The following DPYSL5 variants were observed in gnomAD, a reference collection of about 807,000 sequenced individuals.
The protein encoded by DPYSL5 is dihydropyrimidinase like 5, also known as dihydropyrimidinase-related protein 5.
Under a neutral mutation model 58.4 loss-of-function variants are expected in DPYSL5, and 9 were observed. The ratio of observed to expected loss-of-function variants is 0.15; its 90% CI spans 0.09 to 0.27. The LOEUF (loss-of-function observed/expected upper bound fraction) is 0.27, where lower values mean the gene tolerates loss of function less well. DPYSL5 is among the 10% of genes least tolerant of loss of function. DPYSL5 has a pLI of 1.00. For synonymous variants in DPYSL5, 293 were observed against 301.9 expected (o/e 0.97, Z 0.31); for missense variants, 499 against 770.6 (o/e 0.65, Z 4.17).
At chr2:26,931,169 ATGTG>A (rs1324624030) in intron 5 of DPYSL5, among the ~76,000 whole-genome samples, 12 of 45,694 alleles carry the variant, frequency 2.6e-4, no homozygotes, top group African/African-American at 7.0e-4. Context: ...ATATATATAT[ATGTG>A]TGTGTGTGTG....
chr2:26,894,946 C>T (rs560315017), intron 1 of DPYSL5, among the ~76,000 whole-genome samples: 25 of 152,204 alleles, frequency 1.6e-4, no homozygotes, highest in Non-Finnish European at 3.2e-4. Context: ...TATGTGGTTA[C>T]TTGATGCATA....
Position 26,849,104 on chromosome 2 carries a change from A to T in DPYSL5, c.-5+850A>T, listed in dbSNP as rs994854207. Among the ~76,000 whole-genome samples, 1 of 130,452 alleles carries T rather than the reference A, an allele frequency of 7.7e-6. No homozygotes were observed. Among genetic ancestry groups the T allele is most frequent in the African/African-American group, 2.9e-5 (1 of 34,260 alleles). 85.6% of individuals were successfully genotyped at this position (130,452 alleles called of 152,430 possible). On this transcript the variant is annotated intron_variant, in intron 1 of 12. Coordinates refer to ENST00000288699, the MANE Select transcript of DPYSL5 (RefSeq NM_020134.4). This position sits in a 1 kb window ranked among gnomAD's most constrained non-coding sequence, Gnocchi z 6.2. ...TTAGGACAGGTAGTGGGTCTCGGGG[A>T]GCAGGGAGTGGGAACTAGGGTTTGA...
intron 2 of DPYSL5, among the ~76,000 whole-genome samples, chr2:26,919,793 C>A (rs913048800): frequency 1.3e-5 from 2 of 152,144 alleles, no homozygotes; most frequent in African/African-American, 4.8e-5. Flanking sequence ...CAGTGTCCAC[C>A]TAGAATGAGG....
At position 26,944,565 on chromosome 2, in the gene DPYSL5, T is replaced by C. The variant is rs1167527121; in HGVS notation, c.1441-91T>C. 1 of 1,442,262 alleles carries C rather than the reference T, an allele frequency of 6.9e-7. No individual in the cohort carries two copies. Among genetic ancestry groups the C allele is most frequent in the African/African-American group, 1.4e-5 (1 of 70,834 alleles). 89.3% of individuals were successfully genotyped at this position (1,442,262 alleles called of 1,614,324 possible). Reference sequence around the variant, plus strand: ...TCTTGGGCAGAGTGGCAGTGTCTAATGTCCCACCGGCCCCCAGGGAGGCCA... The same window carrying C: ...TCTTGGGCAGAGTGGCAGTGTCTAACGTCCCACCGGCCCCCAGGGAGGCCA... On this transcript the variant is annotated intron_variant, in intron 11 of 12. Transcript: ENST00000288699. The surrounding 1 kb of genome is among the most constrained non-coding windows in gnomAD (Gnocchi z 4.4).
chr2:26,897,828 G>A (rs1243589408), intron 1 of DPYSL5, among the ~76,000 whole-genome samples: 3 of 152,184 alleles, frequency 2.0e-5, no homozygotes, highest in Non-Finnish European at 4.4e-5. Flanking sequence ...TGGGGGTGGG[G>A]CTTGGGCATA....
At chr2:26,880,804 T>C (rs1245055381) in intron 1 of DPYSL5, among the ~76,000 whole-genome samples, 1 of 152,202 alleles carries the variant, frequency 6.6e-6, no homozygotes, top group Non-Finnish European at 1.5e-5. Context: ...CTCACCGCCA[T>C]CTCCGTGGTT....
At chr2:26,851,249 C>A (rs1665743015) in intron 1 of DPYSL5, among the ~76,000 whole-genome samples, 1 of 152,196 alleles carries the variant, frequency 6.6e-6, no homozygotes, top group South Asian at 2.1e-4. Flanking sequence ...AGGATGTAAT[C>A]TTCTTAAAGC....
intron 4 of DPYSL5, 61 bp from the exon 5 acceptor site, chr2:26,928,194 G>C (rs374704288): frequency 8.3e-6 from 13 of 1,562,514 alleles, no homozygotes; most frequent in Non-Finnish European, 1.1e-5. Context: ...CTTGGGTTCA[G>C]TATTTTCTTA....
chr2:26,908,782 A>T (rs751147555), intron 2 of DPYSL5, among the ~76,000 whole-genome samples: 4 of 152,238 alleles, frequency 2.6e-5, no homozygotes, highest in Non-Finnish European at 5.9e-5. Flanking sequence ...CATCCACTGG[A>T]ATTTATAAAA....
In DPYSL5 at chr2:26,934,001, G is replaced by C. The variant is rs1421395572; in HGVS notation, c.791-577G>C. The stretch of plus-strand genomic sequence containing the variant: ...AATCGATCAGAAGCAAGGGCATCCT[G>C]GCCTTCAACTCTATCGCCCTCTAGA... On this transcript the variant is annotated intron_variant, in intron 7 of 12. Coordinates refer to ENST00000288699, the MANE Select transcript of DPYSL5 (RefSeq NM_020134.4). The surrounding 1 kb of genome is among the most constrained non-coding windows in gnomAD (Gnocchi z 4.3). 6.6e-6 allele frequency among the ~76,000 whole-genome samples: 1 copy of C among 152,056 alleles called. No individual in the cohort carries two copies. The highest frequency in any genetic ancestry group is 1.9e-4 in the East Asian group (1 of 5,188).
At chr2:26,945,408 G>A (rs1025770942) in intron 12 of DPYSL5, among the ~76,000 whole-genome samples, 2 of 147,310 alleles carry the variant, frequency 1.4e-5, no homozygotes, top group African/African-American at 2.5e-5. Context: ...TTATCTTTCT[G>A]TCCTTTGGGT....
intron 2 of DPYSL5, among the ~76,000 whole-genome samples, chr2:26,904,895 C>A (rs753742571): frequency 5.9e-5 from 9 of 152,098 alleles, no homozygotes; most frequent in Admixed American, 2.6e-4. Flanking sequence ...CAGAGTGAGA[C>A]CCTGTCTCAA....
rs1019099270 is a variant in DPYSL5 at position 26,949,073 on chromosome 2, C to A, written c.*2078C>A. 6.6e-6 allele frequency: 1 copy of A among 152,182 alleles called. No individual in the cohort carries two copies. The highest frequency in any genetic ancestry group is 1.5e-5 in the Non-Finnish European group (1 of 68,036). 9.4% of individuals were successfully genotyped at this position (152,182 alleles called of 1,614,324 possible). A position where few individuals can be genotyped will look rare whatever the true frequency, so the allele number is the denominator to read the frequency against. On this transcript the variant is annotated 3_prime_UTR_variant, in exon 13 of 13. Transcript: ENST00000288699. ...TGACCCTCCCAACCTTGGCTATCTA[C>A]CCCACCTGTGGAGAGGAGGTCTGGG...
rs1042481427 is a variant in DPYSL5, at chr2:26,881,874, G to A, written c.-4-16622G>A. 4.6e-5 allele frequency among the ~76,000 whole-genome samples: 7 copies of A among 152,056 alleles called. No individual in the cohort carries two copies. In the East Asian group the frequency reaches 9.7e-4, roughly 21 times the overall value. ...TGGGAGGCCGAGGCAGGTGGATCAC[G>A]AGGTCAGGAGATCAAGACCATCCTG... is the stretch of plus-strand genomic sequence containing the variant. On this transcript the variant is annotated intron_variant, in intron 1 of 12. Transcript: ENST00000288699.
rs1664262270 is a variant in DPYSL5, at chr2:26,905,417, A to G, written c.261+6657A>G. Among the ~76,000 whole-genome samples the G allele has an allele frequency of 6.6e-6, 1 of 152,192 alleles. No homozygotes were observed. Among genetic ancestry groups the G allele is most frequent in the African/African-American group, 2.4e-5 (1 of 41,444 alleles). The stretch of plus-strand genomic sequence containing the variant: ...GCTCTTTTCTTCCAGTTCCTTGAGA[A>G]AAGATCCACCGACTTTGGCTTCACA... On this transcript the variant is annotated intron_variant, in intron 2 of 12. Coordinates refer to ENST00000288699, the MANE Select transcript of DPYSL5 (RefSeq NM_020134.4). This position sits in a 1 kb window ranked among gnomAD's most constrained non-coding sequence, Gnocchi z 4.0.
At chr2:26,895,530 T>C (rs1663988479) in intron 1 of DPYSL5, among the ~76,000 whole-genome samples, 1 of 152,226 alleles carries the variant, frequency 6.6e-6, no homozygotes, top group Non-Finnish European at 1.5e-5. Context: ...GTGGAATGAC[T>C]AAATCCAGTT....
At chr2:26,904,012 C>G (rs1053964815) in intron 2 of DPYSL5, among the ~76,000 whole-genome samples, 5 of 152,238 alleles carry the variant, frequency 3.3e-5, no homozygotes, top group African/African-American at 1.2e-4. Context: ...CCCACCAACT[C>G]AAAATTAGCA....
chr2:26,942,163 C>T lies in DPYSL5; in HGVS notation c.1232+71C>T, dbSNP rs1558356680. Reference sequence around the variant, plus strand: ...TGAAGAAGACTTGCATTACAGATCTCCAAAAGCATATAATTTTGCACTATT... The same window carrying T: ...TGAAGAAGACTTGCATTACAGATCTTCAAAAGCATATAATTTTGCACTATT... On this transcript the variant is annotated intron_variant, in intron 10 of 12. Transcript: ENST00000288699. The surrounding 1 kb of genome is among the most constrained non-coding windows in gnomAD (Gnocchi z 5.9). 6.3e-7 allele frequency: 1 copy of T among 1,589,724 alleles called. No individual in the cohort carries two copies. The highest frequency in any genetic ancestry group is 8.6e-7 in the Non-Finnish European group (1 of 1,168,808).
In DPYSL5 at chr2:26,924,991, C is replaced by G; in HGVS notation, c.366C>G (p.Pro122=). The change falls in exon 3 of 13, where the codon CCC becomes CCG. Residue 122 remains proline, a synonymous_variant. Transcript: ENST00000288699. The surrounding 1 kb of genome is among the most constrained non-coding windows in gnomAD (Gnocchi z 4.7). ...AYEKCRGLAD[P]KVCCDYALHV... ...AGAAGTGCCGAGGTCTGGCCGACCCCAAGGTCTGCTGTGATTACGCCCTCC... is the reference window on the plus strand; with the variant it reads ...AGAAGTGCCGAGGTCTGGCCGACCCGAAGGTCTGCTGTGATTACGCCCTCC... 1 of 1,614,190 alleles carries G rather than the reference C, an allele frequency of 6.2e-7. No individual in the cohort carries two copies. Among genetic ancestry groups the G allele is most frequent in the Non-Finnish European group, 8.5e-7 (1 of 1,180,020 alleles).
Sources: allele counts gnomAD v4.1 joint callset (sites outside exome capture counted in the v4.1 genomes callset), GRCh38; gene constraint gnomAD v4.1.1; non-coding constraint Gnocchi (gnomAD v3.1); transcripts MANE v1.5; gene names NCBI Gene and HGNC (gene_info 2026-07-23, HGNC 2026-07-21).